The following MYLK4 variants were observed in gnomAD, a reference collection of about 807,000 sequenced individuals.
MYLK4 encodes the protein caMLCK like.
MYLK4 carries 46 observed loss-of-function variants against 48.1 expected under a neutral mutation model. That is an observed-to-expected ratio of 0.96 (90% CI 0.75 to 1.22). The LOEUF is 1.22. MYLK4 is among the 50% of genes most tolerant of loss of function. The pLI, the probability that MYLK4 is intolerant of heterozygous loss-of-function variation, is 0.00. For synonymous variants in MYLK4, 170 were observed against 180.8 expected (o/e 0.94, Z 0.48); for missense variants, 451 against 486.1 (o/e 0.93, Z 0.68).
At chr6:2,717,572 G>A (rs1762913455) in intron 2 of MYLK4, among the ~76,000 whole-genome samples, 2 of 152,178 alleles carry the variant, frequency 1.3e-5, no homozygotes, top group Non-Finnish European at 2.9e-5. Flanking sequence ...GTAATCTTGG[G>A]CTTCTCAACC....
rs895564746 is a variant in MYLK4, at chr6:2,678,487, C to T, written c.888-115G>A. On this transcript the variant is annotated intron_variant, in intron 9 of 12. Coordinates refer to ENST00000274643, the MANE Select transcript of MYLK4 (RefSeq NM_001012418.5). The stretch of plus-strand genomic sequence containing the variant: ...GTGAGAGAAGGAAAATAACCTAATC[C>T]TGAAGCATAATTTTATAACATATTA... 4.4e-6 allele frequency: 5 copies of T among 1,139,598 alleles called. No homozygotes were observed. In the African/African-American group the frequency reaches 7.9e-5, roughly 18 times the overall value. 70.6% of individuals were successfully genotyped at this position (1,139,598 alleles called of 1,614,324 possible). A position where few individuals can be genotyped will look rare whatever the true frequency, so the allele number is the denominator to read the frequency against.
At chr6:2,769,153 T>C in the MYLK4 span, among the ~76,000 whole-genome samples, 1 of 152,238 alleles carries the variant, frequency 6.6e-6, no homozygotes, top group African/African-American at 2.4e-5. Context: ...TTTCCAGTTT[T>C]AGGAATTTTT....
the MYLK4 span, among the ~76,000 whole-genome samples, chr6:2,764,492 C>T: frequency 0.032 from 4,800 of 152,294 alleles, 267 homozygotes; most frequent in African/African-American, 0.11. Flanking sequence ...TCCCTCAATT[C>T]ATTTACCTCT....
the MYLK4 span, chr6:2,766,332 A>T: frequency 6.2e-7 from 1 of 1,610,866 alleles, no homozygotes; most frequent in Non-Finnish European, 8.5e-7. Flanking sequence ...GACACGCTGC[A>T]GGATTACTTC....
intron 2 of MYLK4, among the ~76,000 whole-genome samples, chr6:2,726,192 C>T (rs1277728668): frequency 1.3e-5 from 2 of 152,162 alleles, no homozygotes; most frequent in Admixed American, 6.5e-5. Context: ...AAAACATATA[C>T]TGTTATTAAA....
At position 2,672,270 on chromosome 6, in the gene MYLK4, G is replaced by A. The variant is rs73348583; in HGVS notation, c.1120-922C>T. 0.03 allele frequency among the ~76,000 whole-genome samples: 4,553 copies of A among 152,198 alleles called. 244 individuals carry two copies. The highest frequency in any genetic ancestry group is 0.1 in the African/African-American group (4,307 of 41,492). On this transcript the variant is annotated intron_variant, in intron 11 of 12. Transcript: ENST00000274643. This position sits in a 1 kb window ranked among gnomAD's most constrained non-coding sequence, Gnocchi z 4.3. ...TGAGTTCTAGTAGATTCCTAATTTGGGAGTGCTTTGCCCCACCCCAGCTGA... is the reference window on the plus strand; with the variant it reads ...TGAGTTCTAGTAGATTCCTAATTTGAGAGTGCTTTGCCCCACCCCAGCTGA...
In MYLK4 at chr6:2,680,427, G is replaced by A. The variant is rs6939668; in HGVS notation, c.688-136C>T. ...TTCACTTCGGGGCGGGCTTGTCCGT[G>A]TGGGTACTTTCTCCTTTAATTATGT... On this transcript the variant is annotated intron_variant, in intron 7 of 12. Coordinates refer to ENST00000274643, the MANE Select transcript of MYLK4 (RefSeq NM_001012418.5). 3.7e-3 allele frequency: 5,659 copies of A among 1,520,624 alleles called. 195 individuals are homozygous for A. In the African/African-American group the frequency reaches 0.069, roughly 19 times the overall value. The allele number at this position is 1,520,624 out of a possible 1,614,324, so 94.2% of individuals were successfully genotyped here. A position where few individuals can be genotyped will look rare whatever the true frequency, so the allele number is the denominator to read the frequency against.
intron 4 of MYLK4, among the ~76,000 whole-genome samples, chr6:2,686,621 C>A (rs1182246693): frequency 1.3e-5 from 2 of 152,212 alleles, no homozygotes; most frequent in African/African-American, 4.8e-5. Flanking sequence ...GAGGCAAGCC[C>A]TATGACAAGG....
intron 11 of MYLK4, 61 bp downstream of exon 11, chr6:2,674,986 T>G (rs947475496): frequency 1.7e-6 from 2 of 1,151,196 alleles, no homozygotes; most frequent in Non-Finnish European, 2.6e-6. Flanking sequence ...GACTCCAGCA[T>G]CTGATCTTCA....
chr6:2,674,909 TA>T, intron 11 of MYLK4, 137 bp downstream of exon 11: 1 of 746,142 alleles, frequency 1.3e-6, no homozygotes, highest in South Asian at 1.8e-5. Context: ...TTAAGTAATT[TA>T]ATACTGCACA....
chr6:2,694,204 T>C (rs1034937212), intron 2 of MYLK4, among the ~76,000 whole-genome samples: 37 of 152,198 alleles, frequency 2.4e-4, no homozygotes, highest in African/African-American at 8.9e-4. Context: ...GAGTTTCTCT[T>C]TAAGTGAAAG....
At chr6:2,731,046 C>G (rs896801567) in intron 2 of MYLK4, among the ~76,000 whole-genome samples, 1 of 151,760 alleles carries the variant, frequency 6.6e-6, no homozygotes, top group African/African-American at 2.4e-5. Flanking sequence ...GGCTGGATAG[C>G]CTTTTTAAAA....
chr6:2,769,841 T>G, the MYLK4 span, among the ~76,000 whole-genome samples: 1 of 152,168 alleles, frequency 6.6e-6, no homozygotes, highest in Admixed American at 6.5e-5. Context: ...AAGAAATCAT[T>G]TATGTTGAAA....
chr6:2,683,370 T>A (rs1761392518), intron 6 of MYLK4, among the ~76,000 whole-genome samples: 1 of 147,706 alleles, frequency 6.8e-6, no homozygotes, highest in Non-Finnish European at 1.5e-5. Flanking sequence ...ATGGAAATCC[T>A]CAAGCCAACT....
At chr6:2,761,459 T>C in the MYLK4 span, among the ~76,000 whole-genome samples, 2 of 152,194 alleles carry the variant, frequency 1.3e-5, no homozygotes, top group African/African-American at 4.8e-5. Context: ...TTTTCATTTA[T>C]TTTTCTACCA....
At chr6:2,678,896 G>T (rs1183503320) in intron 9 of MYLK4, among the ~76,000 whole-genome samples, 2 of 152,006 alleles carry the variant, frequency 1.3e-5, no homozygotes, top group Non-Finnish European at 2.9e-5. Flanking sequence ...TAGAGATGGG[G>T]TTTCACCATG....
At chr6:2,753,786 C>T (rs1408437887), upstream of MYLK4, among the ~76,000 whole-genome samples, 1 of 151,946 alleles carries the variant, frequency 6.6e-6, no homozygotes, top group Admixed American at 6.6e-5. Context: ...TGCTCAAAAT[C>T]AGTCATCAGG....
chr6:2,715,712 A>G lies in MYLK4; in HGVS notation c.160-22853T>C, dbSNP rs571255610. 4.6e-5 allele frequency among the ~76,000 whole-genome samples: 7 copies of G among 152,326 alleles called. No homozygotes were observed. In the South Asian group the frequency reaches 1.0e-3, roughly 23 times the overall value. On this transcript the variant is annotated intron_variant, in intron 2 of 12. Transcript: ENST00000274643. ...AGGTGAGGGTCAAAACCGCTAGCAAACATGCTTGTCTCAGGTTCATGAATG... is the reference window on the plus strand; with the variant it reads ...AGGTGAGGGTCAAAACCGCTAGCAAGCATGCTTGTCTCAGGTTCATGAATG...
intron 7 of MYLK4, among the ~76,000 whole-genome samples, chr6:2,682,513 G>A (rs981850520): frequency 7.2e-5 from 11 of 152,094 alleles, no homozygotes; most frequent in South Asian, 2.1e-4. Flanking sequence ...CCATCCTTCC[G>A]ACTGTCCTCT....
Sources: allele counts gnomAD v4.1 joint callset (sites outside exome capture counted in the v4.1 genomes callset), GRCh38; gene constraint gnomAD v4.1.1; non-coding constraint Gnocchi (gnomAD v3.1); transcripts MANE v1.5; gene names NCBI Gene and HGNC (gene_info 2026-07-23, HGNC 2026-07-21).